Variants in CYYR1 observed in about 807,000 individuals in gnomAD.
CYYR1 encodes the protein cysteine and tyrosine-rich protein 1.
In CYYR1, 14 loss-of-function variants were observed where a neutral mutation model predicts 15.2. The observed-to-expected ratio is 0.92, with a 90% confidence interval of 0.61 to 1.44. CYYR1 has a LOEUF of 1.44. Among genes scored for constraint, CYYR1 ranks in the 40% most tolerant of loss-of-function variants. The probability of loss-of-function intolerance (pLI) is 0.00; values close to 1 mark genes in which losing one functional copy is unlikely to be tolerated. For synonymous variants in CYYR1, 80 were observed against 77.4 expected, an observed-to-expected ratio of 1.03 and a Z score of -0.18; for missense variants, 228 against 209.5, an observed-to-expected ratio of 1.09 and a Z score of -0.54.
intron 2 of CYYR1, among the ~76,000 whole-genome samples, chr21:26,495,906 G>T (rs982357364): frequency 6.6e-6 from 1 of 152,204 alleles, no homozygotes; most frequent in Non-Finnish European, 1.5e-5. Context: ...CACGTTAGTA[G>T]GCAGATGAAA....
chr21:26,472,715 CT>C (rs1183260209), intron 3 of CYYR1, among the ~76,000 whole-genome samples: 1 of 151,984 alleles, frequency 6.6e-6, no homozygotes, highest in African/African-American at 2.4e-5. Context: ...AATAAAAACT[CT>C]TTGTCAAAAT....
At chr21:26,488,632 G>A (rs1012381437) in intron 2 of CYYR1, among the ~76,000 whole-genome samples, 2 of 152,070 alleles carry the variant, frequency 1.3e-5, no homozygotes, top group Non-Finnish European at 2.9e-5. Context: ...TGGAAAATAA[G>A]TTGTAATAAA....
At chr21:26,569,759 A>G (rs1247527261) in intron 1 of CYYR1, among the ~76,000 whole-genome samples, 6 of 152,214 alleles carry the variant, frequency 3.9e-5, no homozygotes, top group Non-Finnish European at 5.9e-5. Flanking sequence ...CTCGCCATCA[A>G]TATCGAAGAT....
At chr21:26,499,457 C>CT (rs2123470911) in intron 2 of CYYR1, among the ~76,000 whole-genome samples, 1 of 152,256 alleles carries the variant, frequency 6.6e-6, no homozygotes, top group Non-Finnish European at 1.5e-5. Context: ...ACTTCTGGTC[C>CT]CCAGAACGTC....
At chr21:26,544,580 C>T (rs1978815505) in intron 2 of CYYR1, among the ~76,000 whole-genome samples, 2 of 152,154 alleles carry the variant, frequency 1.3e-5, no homozygotes, top group South Asian at 2.1e-4. Flanking sequence ...TTCACAAACT[C>T]TACAGTCAGG....
At chr21:26,555,631 G>A (rs1199873650) in intron 2 of CYYR1, among the ~76,000 whole-genome samples, 2 of 152,078 alleles carry the variant, frequency 1.3e-5, no homozygotes. Context: ...TTGTTTCTGA[G>A]TCACAGAGTT....
chr21:26,546,916 G>T (rs1396926548), intron 2 of CYYR1, among the ~76,000 whole-genome samples: 1 of 152,064 alleles, frequency 6.6e-6, no homozygotes, highest in Non-Finnish European at 1.5e-5. Flanking sequence ...ACATTTAAAA[G>T]GCACAAAAAC....
At position 26,467,195 on chromosome 21, in the gene CYYR1, T is replaced by G. The variant is rs1304589733; in HGVS notation, c.*1306A>C. The G allele has an allele frequency of 2.0e-5, 3 of 152,188 alleles. No homozygotes were observed. Among genetic ancestry groups the G allele is most frequent in the African/African-American group, 7.2e-5 (3 of 41,454 alleles). The allele number at this position is 152,188 out of a possible 1,614,324, so 9.4% of individuals were successfully genotyped here. A position where few individuals can be genotyped will look rare whatever the true frequency, so the allele number is the denominator to read the frequency against. ...CTAATCATCTATTTCCAATGTTCAA[T>G]ATACAATTTTTATAAATACATGAAA... On this transcript the variant is annotated 3_prime_UTR_variant, in exon 4 of 4. Coordinates refer to ENST00000652641, the MANE Select transcript of CYYR1 (RefSeq NM_001320768.2).
At chr21:26,474,063 T>C (rs2065070140) in intron 3 of CYYR1, among the ~76,000 whole-genome samples, 1 of 150,498 alleles carries the variant, frequency 6.6e-6, no homozygotes, top group African/African-American at 2.4e-5. Context: ...TTTTTTTTTT[T>C]TGAGATGGAG....
chr21:26,551,763 G>T, intron 2 of CYYR1: 1 of 234,102 alleles, frequency 4.3e-6, no homozygotes, highest in South Asian at 5.2e-5. Context: ...TGAAAATGCT[G>T]TGAACACTGT....
intron 2 of CYYR1, among the ~76,000 whole-genome samples, chr21:26,522,762 C>A (rs909461416): frequency 1.3e-5 from 2 of 151,954 alleles, no homozygotes; most frequent in Admixed American, 6.6e-5. Context: ...AAAAACCCAA[C>A]GAAGGAAATG....
At chr21:26,535,754 G>C (rs1978295726) in intron 2 of CYYR1, among the ~76,000 whole-genome samples, 1 of 152,070 alleles carries the variant, frequency 6.6e-6, no homozygotes, top group African/African-American at 2.4e-5. Context: ...CATCCTCTAA[G>C]ATCTACTCCA....
At chr21:26,522,918 C>T (rs1395954042) in intron 2 of CYYR1, among the ~76,000 whole-genome samples, 1 of 152,162 alleles carries the variant, frequency 6.6e-6, no homozygotes, top group Non-Finnish European at 1.5e-5. Flanking sequence ...CGTGAATGTT[C>T]AGCTTGGTGG....
intron 3 of CYYR1, chr21:26,477,886 AC>A: frequency 7.8e-7 from 1 of 1,288,242 alleles, no homozygotes; most frequent in Non-Finnish European, 9.9e-7. Flanking sequence ...CTTTACAGTA[AC>A]CCTACCAATA....
rs536358323 is a variant in CYYR1 at position 26,480,441 on chromosome 21, A to C, written c.177-12T>G. On this transcript the variant is annotated splice_polypyrimidine_tract_variant and intron_variant, in intron 2 of 3. Transcript: ENST00000652641. ...CAATTGCAGTGCCCCTAAAAGGAAAAACAAGTAAGTTTACTCAAAAGACTT... is the reference window on the plus strand; with the variant it reads ...CAATTGCAGTGCCCCTAAAAGGAAACACAAGTAAGTTTACTCAAAAGACTT... 3.1e-6 allele frequency: 5 copies of C among 1,605,230 alleles called. No homozygotes were observed. In the Admixed American group the frequency reaches 8.6e-5, roughly 27 times the overall value.
intron 2 of CYYR1, among the ~76,000 whole-genome samples, chr21:26,543,643 C>T (rs1263253457): frequency 1.3e-5 from 2 of 152,152 alleles, no homozygotes; most frequent in South Asian, 2.1e-4. Flanking sequence ...TGGTGGCTCA[C>T]GCCTGTAATC....
chr21:26,501,312 G>A (rs2065479299), intron 2 of CYYR1, among the ~76,000 whole-genome samples: 1 of 152,188 alleles, frequency 6.6e-6, no homozygotes, highest in Non-Finnish European at 1.5e-5. Context: ...ACTCCAGCCT[G>A]GTGACAGAGT....
chr21:26,560,286 G>C (rs996398878), intron 2 of CYYR1, among the ~76,000 whole-genome samples: 6 of 152,032 alleles, frequency 3.9e-5, no homozygotes, highest in African/African-American at 7.2e-5. Flanking sequence ...TACCACTTTG[G>C]ACACTGATCT....
At chr21:26,538,986 A>T (rs942316592) in intron 2 of CYYR1, among the ~76,000 whole-genome samples, 1 of 152,130 alleles carries the variant, frequency 6.6e-6, no homozygotes, top group African/African-American at 2.4e-5. Flanking sequence ...TAATTTTGAA[A>T]CAATGATGAG....
Sources: allele counts gnomAD v4.1 joint callset (sites outside exome capture counted in the v4.1 genomes callset), GRCh38; gene constraint gnomAD v4.1.1; transcripts MANE v1.5; gene names NCBI Gene and HGNC (gene_info 2026-07-23, HGNC 2026-07-21).